The following SH2D5 variants were observed in gnomAD, a reference collection of about 807,000 sequenced individuals.
SH2D5 encodes SH2 domain containing 5.
Under a neutral mutation model 48.2 loss-of-function variants are expected in SH2D5, and 45 were observed. The observed-to-expected ratio is 0.93, with a 90% confidence interval of 0.73 to 1.20. The LOEUF is 1.20. SH2D5 is among the 50% of genes most tolerant of loss of function. SH2D5 has a pLI of 0.00. For synonymous variants in SH2D5, 230 were observed against 249.8 expected, an observed-to-expected ratio of 0.92 and a Z score of 0.75; for missense variants, 538 against 584.1, an observed-to-expected ratio of 0.92 and a Z score of 0.81.
rs1006625135 is a variant in SH2D5 at position 20,729,302 on chromosome 1, T to A, written c.-42-1216A>T. ...TCCTGGGACCAGTGAGAAAGCCACC[T>A]CTGTGTCCTACCCTGGCTGGCTTCA... On this transcript the variant is annotated intron_variant, in intron 1 of 9. Coordinates refer to ENST00000444387, the MANE Select transcript of SH2D5 (RefSeq NM_001103161.2). The surrounding 1 kb of genome is among the most constrained non-coding windows in gnomAD (Gnocchi z 4.2). Among the ~76,000 whole-genome samples, 1 of 152,208 alleles carries A rather than the reference T, an allele frequency of 6.6e-6. No homozygotes were observed. The highest frequency in any genetic ancestry group is 6.5e-5 in the Admixed American group (1 of 15,280).
chr1:20,731,132 C>T (rs558858763), intron 1 of SH2D5: 1 of 152,314 alleles, frequency 6.6e-6, no homozygotes, highest in Non-Finnish European at 1.5e-5. Flanking sequence ...AGTAGGGTGT[C>T]CACTCTTGGA....
At position 20,728,171 on chromosome 1, in the gene SH2D5, C is replaced by T; in HGVS notation, c.-42-85G>A. 2 of 663,050 alleles carry T rather than the reference C, an allele frequency of 3.0e-6. No homozygotes were observed. Among genetic ancestry groups the T allele is most frequent in the Non-Finnish European group, 5.2e-6 (2 of 386,504 alleles). The allele number at this position is 663,050 out of a possible 1,614,324, so 41.1% of individuals were successfully genotyped here. On this transcript the variant is annotated intron_variant, in intron 1 of 9. Transcript: ENST00000444387. The surrounding 1 kb of genome is among the most constrained non-coding windows in gnomAD (Gnocchi z 4.3). Reference sequence around the variant, plus strand: ...CACAGGCCATTCATTCACTGGCTTCCTGAGCAGCTGCTATGTGTGCAGCAC... The same window carrying T: ...CACAGGCCATTCATTCACTGGCTTCTTGAGCAGCTGCTATGTGTGCAGCAC...
In SH2D5 at chr1:20,719,885, G is replaced by A. The variant is rs762174485; in HGVS notation, c.*1907C>T. 1 of 152,242 alleles carries A rather than the reference G, an allele frequency of 6.6e-6. No homozygotes were observed. Among genetic ancestry groups the A allele is most frequent in the Non-Finnish European group, 1.5e-5 (1 of 68,048 alleles). The allele number at this position is 152,242 out of a possible 1,614,324, so 9.4% of individuals were successfully genotyped here. ...AAAAACCTTGCCCTCTCTGTAACACGAGATCAATCTATGCTGGCTGGAGGG... is the reference window on the plus strand; with the variant it reads ...AAAAACCTTGCCCTCTCTGTAACACAAGATCAATCTATGCTGGCTGGAGGG... On this transcript the variant is annotated 3_prime_UTR_variant, in exon 10 of 10. Transcript: ENST00000444387.
chr1:20,723,029 G>T, intron 8 of SH2D5, 114 bp from the exon 9 acceptor site: 2 of 1,051,126 alleles, frequency 1.9e-6, no homozygotes, highest in Non-Finnish European at 2.6e-6. Context: ...AACACACGGT[G>T]CGTTGGCCGG....
At chr1:20,725,511 TAG>T (rs2054777327) in intron 5 of SH2D5, among the ~76,000 whole-genome samples, 2 of 152,154 alleles carry the variant, frequency 1.3e-5, no homozygotes, top group African/African-American at 2.4e-5. Context: ...CAGACGATGG[TAG>T]CGTGCAGTTC....
rs760012074 is a variant in SH2D5 at position 20,729,568 on chromosome 1, G to A, written c.-42-1482C>T. On this transcript the variant is annotated intron_variant, in intron 1 of 9. Coordinates refer to ENST00000444387, the MANE Select transcript of SH2D5 (RefSeq NM_001103161.2). The surrounding 1 kb of genome is among the most constrained non-coding windows in gnomAD (Gnocchi z 4.2). Reference sequence around the variant, plus strand: ...TCAGGAGGGAGCTTGGGAGGACAGCGGGGTCTGACCACTTCTGCTCCCCTC... The same window carrying A: ...TCAGGAGGGAGCTTGGGAGGACAGCAGGGTCTGACCACTTCTGCTCCCCTC... Among the ~76,000 whole-genome samples the A allele has an allele frequency of 2.0e-5, 3 of 152,158 alleles. No homozygotes were observed. Among genetic ancestry groups the A allele is most frequent in the Non-Finnish European group, 4.4e-5 (3 of 68,020 alleles).
chr1:20,726,912 G>T, intron 4 of SH2D5, 89 bp downstream of exon 4: 1 of 1,155,314 alleles, frequency 8.7e-7, no homozygotes, highest in Non-Finnish European at 1.2e-6. Flanking sequence ...GCCGAGCTAA[G>T]GCCAGGACCT....
chr1:20,723,365 G>A (rs1383554712), intron 8 of SH2D5, among the ~76,000 whole-genome samples: 1 of 152,232 alleles, frequency 6.6e-6, no homozygotes, highest in African/African-American at 2.4e-5. Flanking sequence ...GCCTCGCCCT[G>A]TTCAGGCCAG....
At chr1:20,726,217 C>T (rs1444426883) in intron 4 of SH2D5, among the ~76,000 whole-genome samples, 151 bp from the exon 5 acceptor site, 1 of 152,190 alleles carries the variant, frequency 6.6e-6, no homozygotes, top group African/African-American at 2.4e-5. Flanking sequence ...GGCTTAAGAT[C>T]GCCACCCCCA....
intron 9 of SH2D5, 137 bp downstream of exon 9, chr1:20,722,619 G>A (rs1384934234): frequency 2.2e-6 from 2 of 912,450 alleles, no homozygotes; most frequent in African/African-American, 3.4e-5. Context: ...GCGAGGCCAG[G>A]GAGAGCCAAT....
intron 8 of SH2D5, 29 bp downstream of exon 8, chr1:20,723,597 G>C (rs758395581): frequency 2.6e-6 from 4 of 1,565,726 alleles, no homozygotes; most frequent in Non-Finnish European, 8.8e-7. Context: ...CAAGGGACTG[G>C]GCGTCAGGCC....
chr1:20,726,116 A>AC, intron 4 of SH2D5, 50 bp from the exon 5 acceptor site: 1 of 1,534,638 alleles, frequency 6.5e-7, no homozygotes, highest in Non-Finnish European at 8.8e-7. Context: ...GGGCAGCCCC[A>AC]CCCCTGCTTG....
rs1230882214 is a variant in SH2D5 at position 20,719,787 on chromosome 1, C to G, written c.*2005G>C. 2 of 152,128 alleles carry G rather than the reference C, an allele frequency of 1.3e-5. No individual in the cohort carries two copies. Among genetic ancestry groups the G allele is most frequent in the Non-Finnish European group, 2.9e-5 (2 of 68,024 alleles). 9.4% of individuals were successfully genotyped at this position (152,128 alleles called of 1,614,324 possible). A position where few individuals can be genotyped will look rare whatever the true frequency, so the allele number is the denominator to read the frequency against. On this transcript the variant is annotated 3_prime_UTR_variant, in exon 10 of 10. Coordinates refer to ENST00000444387, the MANE Select transcript of SH2D5 (RefSeq NM_001103161.2). ...CACACAGCAAGGAAAGTGGGGCTAC[C>G]GAGGTGGCGCAGATTGGAACAAAGA...
intron 4 of SH2D5, among the ~76,000 whole-genome samples, chr1:20,726,513 C>A (rs12739780): frequency 2.6e-5 from 4 of 152,090 alleles, no homozygotes; most frequent in African/African-American, 9.7e-5. Context: ...CTGGGGACAC[C>A]AGGTGTGCCT....
intron 3 of SH2D5, 46 bp downstream of exon 3, chr1:20,727,477 C>T (rs2054823461): frequency 6.5e-7 from 1 of 1,536,014 alleles, no homozygotes; most frequent in Non-Finnish European, 8.9e-7. Context: ...ACCTGGTCTT[C>T]AAGGCTGTGA....
intron 9 of SH2D5, 44 bp from the exon 10 acceptor site, chr1:20,722,039 C>T (rs773880334): frequency 2.7e-5 from 43 of 1,574,732 alleles, no homozygotes; most frequent in Non-Finnish European, 3.6e-5. Flanking sequence ...TTCCCCAGGG[C>T]TCACGCCAGG....
intron 5 of SH2D5, 97 bp from the exon 6 acceptor site, chr1:20,724,732 C>T (rs949036577): frequency 1.0e-5 from 14 of 1,387,494 alleles, no homozygotes; most frequent in Non-Finnish European, 1.3e-5. Flanking sequence ...GTGCATGCAG[C>T]CCCTTGGCTT....
rs1195110450 is a variant in SH2D5 at position 20,729,069 on chromosome 1, C to G, written c.-42-983G>C. 6.6e-6 allele frequency among the ~76,000 whole-genome samples: 1 copy of G among 152,322 alleles called. No homozygotes were observed. On this transcript the variant is annotated intron_variant, in intron 1 of 9. Coordinates refer to ENST00000444387, the MANE Select transcript of SH2D5 (RefSeq NM_001103161.2). This position sits in a 1 kb window ranked among gnomAD's most constrained non-coding sequence, Gnocchi z 4.2. ...CAGGTTCTGGTCTTTCCTGGGACCCCTCTCCCACATCCAGTCGTGGAAGAG... is the reference window on the plus strand; with the variant it reads ...CAGGTTCTGGTCTTTCCTGGGACCCGTCTCCCACATCCAGTCGTGGAAGAG...
In SH2D5 at chr1:20,728,099, G is replaced by C. The variant is rs894853362; in HGVS notation, c.-42-13C>G. 33 of 1,270,796 alleles carry C rather than the reference G, an allele frequency of 2.6e-5. No homozygotes were observed. The highest frequency in any genetic ancestry group is 1.0e-4 in the South Asian group (8 of 77,116). The allele number at this position is 1,270,796 out of a possible 1,614,324, so 78.7% of individuals were successfully genotyped here. On this transcript the variant is annotated splice_polypyrimidine_tract_variant and intron_variant, in intron 1 of 9. Transcript: ENST00000444387. The surrounding 1 kb of genome is among the most constrained non-coding windows in gnomAD (Gnocchi z 4.3). ...ACGGGAGGGGAGGCTGCAAAGGGCA[G>C]GGGGGGAAGGGCTGCTTTCGAGGCA...
Sources: allele counts gnomAD v4.1 joint callset (sites outside exome capture counted in the v4.1 genomes callset), GRCh38; gene constraint gnomAD v4.1.1; non-coding constraint Gnocchi (gnomAD v3.1); transcripts MANE v1.5; gene names NCBI Gene and HGNC (gene_info 2026-07-23, HGNC 2026-07-21).